The following MTAP variants were observed in gnomAD, a reference collection of about 807,000 sequenced individuals.
MTAP encodes the protein methylthioadenosine phosphorylase.
MTAP carries 33 observed loss-of-function variants against 33.6 expected under a neutral mutation model. The ratio of observed to expected loss-of-function variants is 0.98; its 90% CI spans 0.74 to 1.31. MTAP has a LOEUF of 1.31. Ranked by LOEUF, MTAP falls within the 40% of genes most tolerant of loss-of-function variation. The pLI is 0.00. For missense variants in MTAP, 367 were observed against 360.0 expected (o/e 1.02, Z -0.16); for synonymous variants, 148 against 125.7 (o/e 1.18, Z -1.19).
At position 21,866,780 on chromosome 9, in the gene MTAP, A is replaced by C. The variant is rs1825859838; in HGVS notation, c.*4766A>C. ...TTAAGAAAAAATCTGCTGGAATGGC[A>C]CTGAATTTTTAGGTCGATTTGGGAA... On this transcript the variant is annotated 3_prime_UTR_variant, in exon 8 of 8. Transcript: ENST00000644715. 1 of 152,146 alleles carries C rather than the reference A, an allele frequency of 6.6e-6. No individual in the cohort carries two copies. Among genetic ancestry groups the C allele is most frequent in the African/African-American group, 2.4e-5 (1 of 41,456 alleles). The allele number at this position is 152,146 out of a possible 1,614,324, so 9.4% of individuals were successfully genotyped here.
intron 1 of MTAP, among the ~76,000 whole-genome samples, chr9:21,924,058 G>A (rs868210043): frequency 6.6e-5 from 10 of 152,300 alleles, no homozygotes; most frequent in African/African-American, 2.2e-4. Context: ...AGGATAAATA[G>A]GGGACCCCTG....
chr9:21,834,187 C>T (rs1220251914), intron 4 of MTAP, among the ~76,000 whole-genome samples: 2 of 152,192 alleles, frequency 1.3e-5, no homozygotes, highest in Non-Finnish European at 1.5e-5. Context: ...TTCATGTTGT[C>T]TCATTCAGTT....
chr9:21,852,366 C>G (rs1011963831), intron 5 of MTAP, among the ~76,000 whole-genome samples: 1 of 152,152 alleles, frequency 6.6e-6, no homozygotes, highest in East Asian at 1.9e-4. Context: ...AAAGAATTAG[C>G]TGGCCGTGGT....
Position 21,858,332 on chromosome 9 carries a change from T to C in MTAP, c.691-971T>C, listed in dbSNP as rs778192836. Among the ~76,000 whole-genome samples, 11 of 152,198 alleles carry C rather than the reference T, an allele frequency of 7.2e-5. 1 individual carries two copies. Among genetic ancestry groups the C allele is most frequent in the Non-Finnish European group, 1.2e-4 (8 of 68,042 alleles). ...TATTGAAATCTGTATTAGTCTGTTA[T>C]CACATTGCTATGGAGAAATACCTAA... On this transcript the variant is annotated intron_variant, in intron 6 of 7. Transcript: ENST00000644715.
intron 1 of MTAP, among the ~76,000 whole-genome samples, chr9:21,890,209 A>G (rs1258504123): frequency 6.6e-6 from 1 of 151,794 alleles, no homozygotes; most frequent in East Asian, 1.9e-4. Context: ...CATATAAGTC[A>G]CCTGGAAGTG....
At chr9:21,896,871 A>T (rs1378085076) in intron 1 of MTAP, among the ~76,000 whole-genome samples, 3 of 152,202 alleles carry the variant, frequency 2.0e-5, no homozygotes, top group Non-Finnish European at 4.4e-5. Flanking sequence ...AATCCTCCCT[A>T]ACTCACTTTA....
At chr9:21,899,033 C>G (rs1239025002) in intron 1 of MTAP, among the ~76,000 whole-genome samples, 1 of 151,980 alleles carries the variant, frequency 6.6e-6, no homozygotes, top group Non-Finnish European at 1.5e-5. Flanking sequence ...CACATATACA[C>G]CATGGAATAC....
At chr9:21,897,453 A>C (rs2118781771) in intron 1 of MTAP, among the ~76,000 whole-genome samples, 1 of 152,348 alleles carries the variant, frequency 6.6e-6, no homozygotes, top group African/African-American at 2.4e-5. Context: ...CCCTGTTTGC[A>C]GATGACATGA....
downstream of MTAP, chr9:21,931,892 A>G (rs964836234): frequency 2.6e-5 from 4 of 152,206 alleles, no homozygotes; most frequent in Admixed American, 2.0e-4. Context: ...TCAAGATGGC[A>G]AAAAGCAAGC....
Position 21,863,926 on chromosome 9 carries a change from G to A in MTAP, c.*1912G>A. On this transcript the variant is annotated 3_prime_UTR_variant, in exon 8 of 8. Transcript: ENST00000644715. The stretch of plus-strand genomic sequence containing the variant: ...TATGACCCTTGGACTTCCTGATGTA[G>A]TATTAAATTTCAACTCTGGTTATCC... 1.0e-6 allele frequency: 1 copy of A among 985,780 alleles called. No individual in the cohort carries two copies. Among genetic ancestry groups the A allele is most frequent in the South Asian group, 4.7e-5 (1 of 21,280 alleles). The allele number at this position is 985,780 out of a possible 1,614,324, so 61.1% of individuals were successfully genotyped here.
downstream of MTAP, among the ~76,000 whole-genome samples, chr9:21,938,518 A>C (rs908385908): frequency 6.6e-6 from 1 of 152,136 alleles, no homozygotes; most frequent in Non-Finnish European, 1.5e-5. Context: ...AATAAGGGTG[A>C]TGTTTAACCT....
intron 4 of MTAP, 38 bp from the exon 5 acceptor site, chr9:21,837,870 A>G: frequency 6.3e-7 from 1 of 1,576,412 alleles, no homozygotes; most frequent in Non-Finnish European, 8.7e-7. Flanking sequence ...TGGCCTTAAA[A>G]TAAAACAAAC....
At chr9:21,837,011 T>G (rs1825126132) in intron 4 of MTAP, among the ~76,000 whole-genome samples, 1 of 152,204 alleles carries the variant, frequency 6.6e-6, no homozygotes, top group Non-Finnish European at 1.5e-5. Context: ...CCCTCCTCCC[T>G]GTGTTACTCA....
In MTAP at chr9:21,914,160, G is replaced by A. The variant is rs9776574; in HGVS notation, c.148-16848G>A. ...GTGCTGGAGAGGATGTGGAGAAATA[G>A]GAACACTTTTACACTGTTGGTGGGA... On this transcript the variant is annotated intron_variant, in intron 1 of 1. Coordinates refer to the MTAP transcript ENST00000577563. 9.6e-3 allele frequency among the ~76,000 whole-genome samples: 1,469 copies of A among 152,244 alleles called. 14 individuals carry two copies. The highest frequency in any genetic ancestry group is 0.034 in the African/African-American group (1,403 of 41,534).
chr9:21,818,850 C>G (rs753916975), intron 4 of MTAP, among the ~76,000 whole-genome samples: 95 of 152,246 alleles, frequency 6.2e-4, no homozygotes, highest in Non-Finnish European at 1.2e-3. Context: ...CTATAATCAC[C>G]ATGCAGTATA....
intron 1 of MTAP, chr9:21,803,228 C>A (rs371328305): frequency 6.1e-6 from 2 of 326,074 alleles, no homozygotes; most frequent in Non-Finnish European, 1.1e-5. Context: ...CTCCTGGTGC[C>A]TTGCGGGACT....
At chr9:21,827,997 A>G (rs948601300) in intron 4 of MTAP, among the ~76,000 whole-genome samples, 26 of 152,226 alleles carry the variant, frequency 1.7e-4, no homozygotes, top group African/African-American at 5.3e-4. Context: ...CAGTATGACT[A>G]TACGCTGTTG....
At chr9:21,815,353 A>C (rs1260440231) in intron 1 of MTAP, 80 bp from the exon 2 acceptor site, 3 of 986,504 alleles carry the variant, frequency 3.0e-6, no homozygotes, top group African/African-American at 3.4e-5. Context: ...AGAGCATATG[A>C]ATAAATGAAT....
At chr9:21,852,067 A>C (rs1825525151) in intron 5 of MTAP, among the ~76,000 whole-genome samples, 1 of 152,356 alleles carries the variant, frequency 6.6e-6, no homozygotes, top group South Asian at 2.1e-4. Context: ...TTAGCCATAA[A>C]AAAGAACAAA....
Sources: gnomAD v4.1 joint callset for allele counts (sites outside exome capture counted in the v4.1 genomes callset) on GRCh38, gnomAD v4.1.1 for gene constraint, MANE v1.5 for transcripts, NCBI Gene and HGNC (gene_info 2026-07-23, HGNC 2026-07-21) for gene names.